BAIAP3: variants seen among roughly 807,000 people sequenced by gnomAD.
The protein encoded by BAIAP3 is BAI1 associated protein 3.
BAIAP3 carries 180 observed loss-of-function variants against 149.7 expected under a neutral mutation model. That is an observed-to-expected ratio of 1.20 (90% CI 1.07 to 1.36). The LOEUF (loss-of-function observed/expected upper bound fraction) is 1.36, where lower values mean the gene tolerates loss of function less well. BAIAP3 is among the 40% of genes most tolerant of loss of function. The pLI is 0.00. For missense variants in BAIAP3, 1,767 were observed against 1,563.4 expected (o/e 1.13, Z -2.20); for synonymous variants, 845 against 670.7 (o/e 1.26, Z -4.02).
In BAIAP3 at chr16:1,341,940, C is replaced by T. The variant is rs778478620; in HGVS notation, c.777-46C>T. ...GGGGGAGCAGGACGGACTCAGGGCC[C>T]GGCTGCGGGCTCCAGACAAGCCAGG... On this transcript the variant is annotated intron_variant, in intron 9 of 33. Transcript: ENST00000426824. 8.7e-5 allele frequency: 138 copies of T among 1,583,108 alleles called. No individual in the cohort carries two copies. The Admixed American group carries it at 1.1e-3, about 13-fold the overall frequency.
At chr16:1,343,180 G>C (rs761055) in intron 14 of BAIAP3, 164 bp downstream of exon 14, 42,975 of 1,050,570 alleles carry the variant, frequency 0.041, 2,063 homozygotes, top group African/African-American at 0.2. Flanking sequence ...AAGGGAAGGG[G>C]GCGGTGCTAC....
In BAIAP3 at chr16:1,339,002, C is replaced by G; in HGVS notation, c.219+13C>G. The G allele has an allele frequency of 6.2e-7, 1 of 1,612,280 alleles. No homozygotes were observed. Among genetic ancestry groups the G allele is most frequent in the East Asian group, 2.2e-5 (1 of 44,860 alleles). On this transcript the variant is annotated intron_variant, in intron 3 of 33. Coordinates refer to ENST00000426824, the MANE Select transcript of BAIAP3 (RefSeq NM_001199097.2). ...GCCGTGCCTCGAGGTAAGGGTGCCA[C>G]CCCCAGGGCCCGATACCACAGCCCA...
chr16:1,338,504 AC>A (rs773800600), intron 1 of BAIAP3, 35 bp from the exon 2 acceptor site: 1 of 1,260,742 alleles, frequency 7.9e-7, no homozygotes, highest in Non-Finnish European at 1.0e-6. Flanking sequence ...GGTTGAGTGG[AC>A]GACCTGAGGC....
chr16:1,345,520 C>T lies in BAIAP3; in HGVS notation c.2064+148C>T, dbSNP rs1269655992. On this transcript the variant is annotated intron_variant, in intron 22 of 33. Transcript: ENST00000426824. ...CAACCCCAGCCTCCCCGGCCTCCTC[C>T]GCAACCCCAGCCTCCCCAGCAACCC... 15 of 435,486 alleles carry T rather than the reference C, an allele frequency of 3.4e-5. 1 individual carries two copies. The highest frequency in any genetic ancestry group is 1.1e-4 in the South Asian group (4 of 35,692). 27.0% of individuals were successfully genotyped at this position (435,486 alleles called of 1,614,324 possible).
In BAIAP3 at chr16:1,345,064, T is replaced by A; in HGVS notation, c.1905T>A (p.Ala635=). The A allele has an allele frequency of 6.2e-7, 1 of 1,612,528 alleles. No homozygotes were observed. ...SGLFELYLTL[A]DLQRFWDSIP... is the part of the protein sequence containing the mutation. The stretch of plus-strand genomic sequence containing the variant: ...TCTTTGAGCTCTACCTGACCCTGGC[T>A]GACCTCCAGCGCTTCTGGGATAGCA... The change falls in exon 21 of 34, where the codon GCT becomes GCA. Residue 635 remains alanine (A), a synonymous_variant. Transcript: ENST00000426824.
intron 15 of BAIAP3, 57 bp from the exon 16 acceptor site, chr16:1,343,965 T>G: frequency 1.9e-6 from 3 of 1,602,730 alleles, no homozygotes; most frequent in Non-Finnish European, 2.5e-6. Flanking sequence ...GGGAGGATGT[T>G]TCTCCTCATC....
intron 1 of BAIAP3, among the ~76,000 whole-genome samples, chr16:1,335,774 G>A (rs2033411777): frequency 6.6e-6 from 1 of 152,202 alleles, no homozygotes; most frequent in Non-Finnish European, 1.5e-5. Context: ...GGAGGGGCAG[G>A]AGCTGCAGTT....
chr16:1,336,516 C>A, intron 1 of BAIAP3: 2 of 460,266 alleles, frequency 4.3e-6, no homozygotes, highest in African/African-American at 2.1e-5. Context: ...CGGGGGCTGG[C>A]AGGGACCCTG....
chr16:1,342,258 T>C lies in BAIAP3; in HGVS notation c.932T>C (p.Leu311Pro), dbSNP rs1202874308. 1.9e-6 allele frequency: 3 copies of C among 1,612,322 alleles called. No individual in the cohort carries two copies. The Admixed American group carries it at 5.0e-5, about 27-fold the overall frequency. The change falls in exon 11 of 34, where the codon CTG becomes CCG. Residue 311 changes from leucine to proline, a missense_variant. Transcript: ENST00000426824. ...ACCGAGGACCACACCGATGACTTCCTGGGGTGCCTCAACATACCTGTCCGG... is the reference window on the plus strand; with the variant it reads ...ACCGAGGACCACACCGATGACTTCCCGGGGTGCCTCAACATACCTGTCCGG... ...GPTEDHTDDF[L>P]GCLNIPVREV... is the part of the protein sequence containing the mutation.
intron 33 of BAIAP3, 26 bp from the exon 34 acceptor site, chr16:1,348,353 C>T: frequency 6.2e-7 from 1 of 1,609,846 alleles, no homozygotes; most frequent in Non-Finnish European, 8.5e-7. Flanking sequence ...CCCCGGCCCC[C>T]ACACACCTGC....
chr16:1,346,112 A>G, intron 24 of BAIAP3, 34 bp downstream of exon 24: 1 of 1,605,392 alleles, frequency 6.2e-7, no homozygotes, highest in East Asian at 2.2e-5. Context: ...AGCCGGCAGG[A>G]GGTGGGGGGC....
In BAIAP3 at chr16:1,336,251, G is replaced by T. The variant is rs934043064; in HGVS notation, c.-10-2289G>T. The T allele has an allele frequency of 6.1e-5, 60 of 985,328 alleles. No homozygotes were observed. In the African/African-American group the frequency reaches 9.4e-4, roughly 15 times the overall value. 61.0% of individuals were successfully genotyped at this position (985,328 alleles called of 1,614,324 possible). A position where few individuals can be genotyped will look rare whatever the true frequency, so the allele number is the denominator to read the frequency against. Reference sequence around the variant, plus strand: ...GCCTCTTCCACCCAGCAAGGGAGGGGAAGGGGGCTTGTGACTCCCAGGCCC... The same window carrying T: ...GCCTCTTCCACCCAGCAAGGGAGGGTAAGGGGGCTTGTGACTCCCAGGCCC... On this transcript the variant is annotated intron_variant, in intron 1 of 33. Transcript: ENST00000426824.
Position 1,348,609 on chromosome 16 carries a change from C to A in BAIAP3, c.*127C>A. The A allele has an allele frequency of 1.1e-6, 1 of 943,882 alleles. No individual in the cohort carries two copies. The highest frequency in any genetic ancestry group is 1.6e-6 in the Non-Finnish European group (1 of 620,586). The allele number at this position is 943,882 out of a possible 1,614,324, so 58.5% of individuals were successfully genotyped here. A position where few individuals can be genotyped will look rare whatever the true frequency, so the allele number is the denominator to read the frequency against. On this transcript the variant is annotated 3_prime_UTR_variant, in exon 34 of 34. Coordinates refer to ENST00000426824, the MANE Select transcript of BAIAP3 (RefSeq NM_001199097.2). ...CCCTCCTGTGCTGTGACGTGTGTGTCGTGGCTGGCCCCGCGGCGCCTACCG... is the reference window on the plus strand; with the variant it reads ...CCCTCCTGTGCTGTGACGTGTGTGTAGTGGCTGGCCCCGCGGCGCCTACCG...
In BAIAP3 at chr16:1,348,794, T is replaced by A; in HGVS notation, c.*312T>A. ...GGCCTCCCTGCCCGCTTCCTTGGGC[T>A]CCCCGGCCCTGGGTGGGCGGTGGGC... is the stretch of plus-strand genomic sequence containing the variant. On this transcript the variant is annotated 3_prime_UTR_variant, in exon 34 of 34. Coordinates refer to ENST00000426824, the MANE Select transcript of BAIAP3 (RefSeq NM_001199097.2). 2.2e-6 allele frequency: 1 copy of A among 451,106 alleles called. No individual in the cohort carries two copies. Among genetic ancestry groups the A allele is most frequent in the Non-Finnish European group, 4.0e-6 (1 of 247,956 alleles). The allele number at this position is 451,106 out of a possible 1,614,324, so 27.9% of individuals were successfully genotyped here. A position where few individuals can be genotyped will look rare whatever the true frequency, so the allele number is the denominator to read the frequency against.
In BAIAP3 at chr16:1,347,380, AC is replaced by A; in HGVS notation, c.2823+14del. 6.2e-7 allele frequency: 1 copy of A among 1,612,914 alleles called. No homozygotes were observed. The stretch of plus-strand genomic sequence containing the variant: ...GATGGAAGCTACAAGGTGAGGTGGG[AC>A]CCTCTGTGGGGCGGGGGTGTGGATG... On this transcript the variant is annotated intron_variant, in intron 29 of 33. Coordinates refer to ENST00000426824, the MANE Select transcript of BAIAP3 (RefSeq NM_001199097.2).
chr16:1,334,867 G>T lies in BAIAP3; in HGVS notation c.-11+1118G>T, dbSNP rs2033357398. Reference sequence around the variant, plus strand: ...CTGGAGAGAAGACCAAGAGGGCAGCGTGGAGAGCCAGCCTGTGGGGCAGAT... The same window carrying T: ...CTGGAGAGAAGACCAAGAGGGCAGCTTGGAGAGCCAGCCTGTGGGGCAGAT... On this transcript the variant is annotated intron_variant, in intron 1 of 33. Coordinates refer to ENST00000426824, the MANE Select transcript of BAIAP3 (RefSeq NM_001199097.2). 3.8e-6 allele frequency: 4 copies of T among 1,058,296 alleles called. No homozygotes were observed. The East Asian group carries it at 1.1e-4, about 28-fold the overall frequency. 65.6% of individuals were successfully genotyped at this position (1,058,296 alleles called of 1,614,324 possible).
At chr16:1,343,653 G>T (rs2034093746) in intron 15 of BAIAP3, 140 bp downstream of exon 15, 4 of 1,338,222 alleles carry the variant, frequency 3.0e-6, no homozygotes, top group Non-Finnish European at 4.1e-6. Context: ...TGACGTGGGC[G>T]AGAGCCAGCG....
At position 1,346,872 on chromosome 16, in the gene BAIAP3, C is replaced by G; in HGVS notation, c.2668C>G (p.Leu890Val). ...SRVLEALWEL[L>V]LQAILQALGA... ...GGTGCTGGAGGCCCTGTGGGAGCTACTCCTCCAGGCCATTCTGCAGGCGCT... is the reference window on the plus strand; with the variant it reads ...GGTGCTGGAGGCCCTGTGGGAGCTAGTCCTCCAGGCCATTCTGCAGGCGCT... Residue 890 changes from leucine (L) to valine (V), a missense_variant, in exon 28 of 34, where the codon CTC (leucine) becomes GTC (valine). Coordinates refer to ENST00000426824, the MANE Select transcript of BAIAP3 (RefSeq NM_001199097.2). The G allele has an allele frequency of 1.9e-6, 3 of 1,608,068 alleles. No individual in the cohort carries two copies. Among genetic ancestry groups the G allele is most frequent in the Non-Finnish European group, 2.5e-6 (3 of 1,178,862 alleles).
At chr16:1,344,912 C>G in intron 20 of BAIAP3, 57 bp from the exon 21 acceptor site, 3 of 1,613,586 alleles carry the variant, frequency 1.9e-6, no homozygotes, top group African/African-American at 1.3e-5. Context: ...ATGCCCTTGG[C>G]TAGGACGGTC....
Sources: allele counts gnomAD v4.1 joint callset (sites outside exome capture counted in the v4.1 genomes callset), GRCh38; gene constraint gnomAD v4.1.1; transcripts MANE v1.5; gene names NCBI Gene and HGNC (gene_info 2026-07-23, HGNC 2026-07-21).